The following RASEF variants were observed in gnomAD, a reference collection of about 807,000 sequenced individuals.
RASEF encodes the protein RAS and EF-hand domain containing.
Under a neutral mutation model 90.1 loss-of-function variants are expected in RASEF, and 68 were observed. That is an observed-to-expected ratio of 0.75 (90% CI 0.62 to 0.92). RASEF has a LOEUF of 0.92. Ranked by LOEUF, RASEF falls within the 40% of genes least tolerant of loss-of-function variation. The pLI is 0.00. For synonymous variants in RASEF, 331 were observed against 345.2 expected, an observed-to-expected ratio of 0.96 and a Z score of 0.46; for missense variants, 949 against 937.2, an observed-to-expected ratio of 1.01 and a Z score of -0.16.
chr9:83,145,742 A>C, the RASEF span, among the ~76,000 whole-genome samples: 42 of 151,984 alleles, frequency 2.8e-4, no homozygotes, highest in Non-Finnish European at 5.7e-4. Context: ...TGGGTAAAAA[A>C]ATAAAATAAG....
intron 6 of RASEF, 82 bp from the exon 7 acceptor site, chr9:83,007,587 C>T: frequency 3.0e-6 from 3 of 991,632 alleles, no homozygotes; most frequent in South Asian, 1.3e-5. Context: ...AGACCCTTTC[C>T]CACCTTTTTC....
At chr9:83,171,410 TTGTC>T in the RASEF span, among the ~76,000 whole-genome samples, 4 of 151,802 alleles carry the variant, frequency 2.6e-5, no homozygotes, top group East Asian at 7.7e-4. Context: ...TGTTGTGTCT[TTGTC>T]TGGTTTTGGT....
intron 3 of RASEF, among the ~76,000 whole-genome samples, chr9:83,021,994 C>G (rs775071560): frequency 6.6e-6 from 1 of 152,144 alleles, no homozygotes; most frequent in East Asian, 1.9e-4. Flanking sequence ...TCTATGAAGG[C>G]TGCCTCTGCC....
the RASEF span, among the ~76,000 whole-genome samples, chr9:83,111,947 G>C: frequency 6.6e-6 from 1 of 151,778 alleles, no homozygotes; most frequent in African/African-American, 2.4e-5. Context: ...TCTATACTAA[G>C]AGCTCTTAAA....
the RASEF span, among the ~76,000 whole-genome samples, chr9:83,103,153 A>T: frequency 6.6e-6 from 1 of 152,310 alleles, no homozygotes; most frequent in East Asian, 1.9e-4. Context: ...GGTCACACAC[A>T]CTGCAGAGTG....
chr9:83,004,256 A>G (rs1781656854), intron 9 of RASEF, among the ~76,000 whole-genome samples: 1 of 152,196 alleles, frequency 6.6e-6, no homozygotes, highest in Admixed American at 6.5e-5. Context: ...AGACATGATT[A>G]GAGATGAGGT....
chr9:83,129,091 C>T, the RASEF span, among the ~76,000 whole-genome samples: 2 of 152,128 alleles, frequency 1.3e-5, no homozygotes, highest in Non-Finnish European at 2.9e-5. Flanking sequence ...ACTATATACT[C>T]CTTTGTCAGA....
the RASEF span, among the ~76,000 whole-genome samples, chr9:83,128,025 C>CTTTTTTTTTTTTTTTTTTTTT: frequency 2.2e-5 from 3 of 134,724 alleles, no homozygotes; most frequent in African/African-American, 5.5e-5. Context: ...TTTTTCTTTT[C>CTTTTTTTTTTTTTTTTTTTTT]TTTTTTTTTT....
At chr9:83,164,347 G>GTGTGTGTGTATATATA in the RASEF span, among the ~76,000 whole-genome samples, 1 of 129,988 alleles carries the variant, frequency 7.7e-6, no homozygotes, top group Admixed American at 7.9e-5. Flanking sequence ...GTATATGTGT[G>GTGTGTGTGTATATATA]TATATATATA....
At chr9:83,030,357 A>C (rs1829624141) in intron 1 of RASEF, among the ~76,000 whole-genome samples, 1 of 140,776 alleles carries the variant, frequency 7.1e-6, no homozygotes, top group African/African-American at 2.7e-5. Context: ...ACTCCGTCAC[A>C]AAAAAAAAAA....
the RASEF span, among the ~76,000 whole-genome samples, chr9:83,089,581 A>G: frequency 1.3e-5 from 2 of 152,174 alleles, no homozygotes; most frequent in African/African-American, 2.4e-5. Context: ...TTTTCTATCA[A>G]CACTTTGAAT....
intron 16 of RASEF, among the ~76,000 whole-genome samples, chr9:82,990,049 A>G (rs1418018487): frequency 1.3e-5 from 2 of 152,326 alleles, no homozygotes; most frequent in East Asian, 3.9e-4. Flanking sequence ...TTGCCCGGGA[A>G]AATATCATAA....
In RASEF at chr9:83,063,128, G is replaced by A. The variant is rs948938909; in HGVS notation, c.-261C>T. ...CCCGGGCTCCAGGCACCGCCAAGGA[G>A]CGCCTCCTGCGACTGAGCGCCCAAG... On this transcript the variant is annotated 5_prime_UTR_variant, in exon 1 of 17. Transcript: ENST00000376447. 4.7e-5 allele frequency: 21 copies of A among 444,506 alleles called. No individual in the cohort carries two copies. Among genetic ancestry groups the A allele is most frequent in the African/African-American group, 3.5e-4 (17 of 48,350 alleles). The allele number at this position is 444,506 out of a possible 1,614,324, so 27.5% of individuals were successfully genotyped here. A position where few individuals can be genotyped will look rare whatever the true frequency, so the allele number is the denominator to read the frequency against.
the RASEF span, among the ~76,000 whole-genome samples, chr9:83,085,785 C>A: frequency 6.6e-6 from 1 of 151,672 alleles, no homozygotes; most frequent in Non-Finnish European, 1.5e-5. Context: ...ATTAGCGAGG[C>A]GTGGTGGCAT....
At chr9:83,091,909 T>C in the RASEF span, among the ~76,000 whole-genome samples, 1 of 151,082 alleles carries the variant, frequency 6.6e-6, no homozygotes, top group Non-Finnish European at 1.5e-5. Flanking sequence ...GGGAGGGAGA[T>C]GGGACTAGAG....
chr9:83,084,922 T>C, the RASEF span, among the ~76,000 whole-genome samples: 1 of 152,192 alleles, frequency 6.6e-6, no homozygotes, highest in Non-Finnish European at 1.5e-5. Context: ...TTTGAACTTA[T>C]TATATATTTA....
At chr9:83,035,295 A>G (rs765433172) in intron 1 of RASEF, among the ~76,000 whole-genome samples, 2 of 152,228 alleles carry the variant, frequency 1.3e-5, no homozygotes, top group East Asian at 1.9e-4. Flanking sequence ...GCATAAATGA[A>G]TAAGTTTGGC....
chr9:83,048,257 T>C, intron 1 of RASEF: 1 of 985,372 alleles, frequency 1.0e-6, no homozygotes, highest in Non-Finnish European at 1.2e-6. Context: ...AAGAAAGTTT[T>C]GGCACAATTC....
chr9:83,054,800 T>G (rs1830072639), intron 1 of RASEF: 1 of 150,326 alleles, frequency 6.7e-6, no homozygotes, highest in South Asian at 2.1e-4. Context: ...TGGAATACCC[T>G]GCCGTGTGAG....
Sources: gnomAD v4.1 joint callset for allele counts (sites outside exome capture counted in the v4.1 genomes callset) on GRCh38, gnomAD v4.1.1 for gene constraint, MANE v1.5 for transcripts, NCBI Gene and HGNC (gene_info 2026-07-23, HGNC 2026-07-21) for gene names.